PIAS4: variants seen among roughly 807,000 people sequenced by gnomAD.
PIAS4 encodes protein inhibitor of activated STAT 4.
In PIAS4, 7 loss-of-function variants were observed where a neutral mutation model predicts 58.0. That is an observed-to-expected ratio of 0.12 (90% CI 0.07 to 0.23). The LOEUF (loss-of-function observed/expected upper bound fraction) is 0.23. PIAS4 is among the 10% of genes least tolerant of loss of function. PIAS4 has a pLI of 1.00. For missense variants in PIAS4, 550 were observed against 709.5 expected, an observed-to-expected ratio of 0.78 and a Z score of 2.55; for synonymous variants, 364 against 312.4, an observed-to-expected ratio of 1.17 and a Z score of -1.74.
intron 2 of PIAS4, among the ~76,000 whole-genome samples, chr19:4,016,806 T>A (rs1239606051): frequency 2.0e-5 from 3 of 152,126 alleles, no homozygotes; most frequent in Non-Finnish European, 4.4e-5. Context: ...GAGTTCATTG[T>A]GGCCAGAACA....
chr19:4,032,954 G>C, intron 7 of PIAS4, 146 bp from the exon 8 acceptor site: 1 of 654,270 alleles, frequency 1.5e-6, no homozygotes, highest in Non-Finnish European at 2.7e-6. Context: ...ATCCCTCACG[G>C]CCCCGAGCCA....
At position 4,028,938 on chromosome 19, in the gene PIAS4, CGGT is replaced by C; in HGVS notation, c.812_814del (p.Val271del). 6.2e-7 allele frequency: 1 copy of C among 1,611,748 alleles called. No homozygotes were observed. The highest frequency in any genetic ancestry group is 8.5e-7 in the Non-Finnish European group (1 of 1,179,288). On this transcript the variant is annotated inframe_deletion, in exon 7 of 11. Coordinates refer to ENST00000262971, the MANE Select transcript of PIAS4 (RefSeq NM_015897.4). ...CCTTCCTTCTGTCCCCAGAGCTACTCGGTGGCCCTGTACCTGGTGCGGCAGCTG... is the reference window on the plus strand; with the variant it reads ...CCTTCCTTCTGTCCCCAGAGCTACTCGGCCCTGTACCTGGTGCGGCAGCTG...
chr19:4,015,986 C>T lies in PIAS4; in HGVS notation c.454+2637C>T, dbSNP rs182297822. Among the ~76,000 whole-genome samples, 248 of 152,316 alleles carry T rather than the reference C, an allele frequency of 1.6e-3. 2 individuals are homozygous for T. Among genetic ancestry groups the T allele is most frequent in the African/African-American group, 5.7e-3 (236 of 41,572 alleles). On this transcript the variant is annotated intron_variant, in intron 2 of 10. Transcript: ENST00000262971. ...CAGTGGGAGGTGCCGTGTGTGGGGA[C>T]GGGGCTGGCACCCAGAACAGTGCGG...
rs1192744458 is a variant in PIAS4, at chr19:4,028,495, C to G, written c.582-15C>G. The G allele has an allele frequency of 1.2e-6, 2 of 1,604,520 alleles. No individual in the cohort carries two copies. Among genetic ancestry groups the G allele is most frequent in the African/African-American group, 2.7e-5 (2 of 74,642 alleles). On this transcript the variant is annotated splice_polypyrimidine_tract_variant and intron_variant, in intron 4 of 10. Transcript: ENST00000262971. The stretch of plus-strand genomic sequence containing the variant: ...GCGCCCCCTCCCCGCCCCATGGTCC[C>G]TGTTGTCGTTGCAGAATCTGTTACT...
chr19:4,037,343 G>GC lies in PIAS4; in HGVS notation c.1143-27dup, dbSNP rs774411387. On this transcript the variant is annotated intron_variant, in intron 9 of 10. Coordinates refer to ENST00000262971, the MANE Select transcript of PIAS4 (RefSeq NM_015897.4). This position sits in a 1 kb window ranked among gnomAD's most constrained non-coding sequence, Gnocchi z 5.8. ...GAGTTGGGGGGGTGGGGCACCTCCA[G>GC]CCCCGGCGTCAGCTGTCCGCCTCGC... 5 of 1,582,052 alleles carry GC rather than the reference G, an allele frequency of 3.2e-6. No individual in the cohort carries two copies. In the South Asian group the frequency reaches 5.7e-5, roughly 18 times the overall value.
Position 4,028,877 on chromosome 19 carries a change from C to T in PIAS4, c.801+29C>T, listed in dbSNP as rs368056611. The T allele has an allele frequency of 6.8e-5, 110 of 1,611,668 alleles. No homozygotes were observed. The African/African-American group carries it at 1.3e-3, about 19-fold the overall frequency. On this transcript the variant is annotated intron_variant, in intron 6 of 10. Transcript: ENST00000262971. ...AGTGCGTGCCCGGGTGCCCACCCTG[C>T]CCCCCAACCCCGGCCCCGTCCTGCC...
intron 1 of PIAS4, 77 bp from the exon 2 acceptor site, chr19:4,012,846 A>G (rs993773804): frequency 2.3e-5 from 33 of 1,456,144 alleles, no homozygotes; most frequent in Non-Finnish European, 2.7e-5. Context: ...CGGCCCCCAC[A>G]TCGGGGCCTG....
intron 1 of PIAS4, among the ~76,000 whole-genome samples, chr19:4,011,168 C>T (rs558509387): frequency 3.3e-5 from 5 of 152,324 alleles, no homozygotes; most frequent in African/African-American, 1.2e-4. Flanking sequence ...CAGGGTCTTT[C>T]GAGTGGAGTT....
chr19:4,033,387 G>C (rs1599232055), intron 8 of PIAS4, 33 bp from the exon 9 acceptor site: 2 of 1,537,772 alleles, frequency 1.3e-6, no homozygotes, highest in East Asian at 4.9e-5. Context: ...ACAACAGGAG[G>C]GGTGCCCTGC....
Position 4,034,471 on chromosome 19 carries a change from G to A in PIAS4, c.1142+891G>A, listed in dbSNP as rs10421732. On this transcript the variant is annotated intron_variant, in intron 9 of 10. Transcript: ENST00000262971. ...ACAGGCTCAGAGGAGGCAACCAGCA[G>A]CTGGAGCTACCCCGGCTCACGGGGC... Among the ~76,000 whole-genome samples, 658 of 152,362 alleles carry A rather than the reference G, an allele frequency of 4.3e-3. 4 individuals carry two copies. The highest frequency in any genetic ancestry group is 0.015 in the African/African-American group (628 of 41,590).
At chr19:4,018,487 C>T (rs1388292381) in intron 2 of PIAS4, 1 of 152,232 alleles carries the variant, frequency 6.6e-6, no homozygotes, top group Admixed American at 6.5e-5. Flanking sequence ...GTGCCCGGGC[C>T]GGAGGGCCTG....
intron 2 of PIAS4, among the ~76,000 whole-genome samples, chr19:4,020,961 C>T (rs1395458873): frequency 6.6e-6 from 1 of 152,118 alleles, no homozygotes; most frequent in Non-Finnish European, 1.5e-5. Context: ...GAGTGGGATT[C>T]CTGATTCCTG....
At chr19:4,032,867 G>A (rs534956054) in intron 7 of PIAS4, among the ~76,000 whole-genome samples, 1 of 152,342 alleles carries the variant, frequency 6.6e-6, no homozygotes, top group South Asian at 2.1e-4. Context: ...CCACCTCCGT[G>A]TGGGGGCTTC....
chr19:4,022,425 C>T (rs1373090286), intron 2 of PIAS4, among the ~76,000 whole-genome samples: 1 of 152,060 alleles, frequency 6.6e-6, no homozygotes, highest in African/African-American at 2.4e-5. Context: ...TCTTGGCTCA[C>T]TGCAAGCTTC....
intron 2 of PIAS4, among the ~76,000 whole-genome samples, chr19:4,016,016 C>T (rs889855648): frequency 9.2e-5 from 14 of 152,208 alleles, no homozygotes; most frequent in African/African-American, 2.2e-4. Flanking sequence ...GTGCGGAGAA[C>T]GGCCCAAGGT....
chr19:4,034,165 G>A (rs1283562311), intron 9 of PIAS4, among the ~76,000 whole-genome samples: 1 of 152,212 alleles, frequency 6.6e-6, no homozygotes. Flanking sequence ...TGCGGCTCCT[G>A]CCCGGCGCCG....
intron 7 of PIAS4, among the ~76,000 whole-genome samples, chr19:4,032,884 G>T (rs1421572816): frequency 6.6e-6 from 1 of 152,206 alleles, no homozygotes; most frequent in African/African-American, 2.4e-5. Context: ...CTTCGGCTGG[G>T]TCTGTGCTGT....
chr19:4,016,736 G>A (rs1392425978), intron 2 of PIAS4, among the ~76,000 whole-genome samples: 1 of 152,220 alleles, frequency 6.6e-6, no homozygotes, highest in Non-Finnish European at 1.5e-5. Flanking sequence ...CGTATTCCAG[G>A]CAGAGGGCAG....
chr19:4,009,465 C>CA (rs2039973138), intron 1 of PIAS4, among the ~76,000 whole-genome samples: 1 of 152,076 alleles, frequency 6.6e-6, no homozygotes, highest in Non-Finnish European at 1.5e-5. Context: ...CCCTGGACCC[C>CA]AACCCCCACC....
Sources: gnomAD v4.1 joint callset for allele counts (sites outside exome capture counted in the v4.1 genomes callset) on GRCh38, gnomAD v4.1.1 for gene constraint, Gnocchi (gnomAD v3.1) non-coding constraint, MANE v1.5 for transcripts, NCBI Gene and HGNC (gene_info 2026-07-23, HGNC 2026-07-21) for gene names.